The following ARMC7 variants were observed in gnomAD, a reference collection of about 807,000 sequenced individuals.
ARMC7 encodes the protein armadillo repeat-containing protein 7.
ARMC7 carries 9 observed loss-of-function variants against 14.8 expected under a neutral mutation model. The observed-to-expected ratio is 0.61, with a 90% confidence interval of 0.37 to 1.06. The LOEUF (loss-of-function observed/expected upper bound fraction) is 1.06. ARMC7 is among the 50% of genes least tolerant of loss of function. The pLI is 0.01. For synonymous variants in ARMC7, 125 were observed against 123.4 expected (o/e 1.01, Z -0.09); for missense variants, 262 against 267.1 (o/e 0.98, Z 0.13).
chr17:75,126,170 A>T (rs1275244514), intron 2 of ARMC7, among the ~76,000 whole-genome samples: 3 of 152,156 alleles, frequency 2.0e-5, no homozygotes, highest in Non-Finnish European at 4.4e-5. Context: ...AACCAAAGGG[A>T]GGGGTACCGT....
chr17:75,116,239 A>C (rs987071086), intron 2 of ARMC7, among the ~76,000 whole-genome samples: 1 of 152,184 alleles, frequency 6.6e-6, no homozygotes, highest in Non-Finnish European at 1.5e-5. Context: ...TGTGCATTGG[A>C]CATAGTACTA....
intron 2 of ARMC7, among the ~76,000 whole-genome samples, chr17:75,128,272 C>A (rs903142517): frequency 2.0e-5 from 3 of 152,084 alleles, no homozygotes; most frequent in African/African-American, 7.2e-5. Flanking sequence ...ACAGTTTCAC[C>A]ATGTTGGCCA....
Position 75,116,829 on chromosome 17 carries a change from C to T in ARMC7, c.235+6223C>T, listed in dbSNP as rs551526158. On this transcript the variant is annotated intron_variant, in intron 2 of 2. Transcript: ENST00000245543. ...AGACAGCTGCCCCTCGTCTGGCTGT[C>T]GCAGGCCAGGATGAGAATGCAGGCT... 5.3e-4 allele frequency among the ~76,000 whole-genome samples: 81 copies of T among 152,272 alleles called. 1 individual carries two copies. In the South Asian group the frequency reaches 9.1e-3, roughly 17 times the overall value.
At chr17:75,124,989 C>G (rs944690656) in intron 2 of ARMC7, among the ~76,000 whole-genome samples, 1 of 152,188 alleles carries the variant, frequency 6.6e-6, no homozygotes, top group African/African-American at 2.4e-5. Context: ...CCACCCTGTG[C>G]TTTAGCAAGT....
intron 2 of ARMC7, among the ~76,000 whole-genome samples, chr17:75,128,409 A>G (rs997006155): frequency 9.9e-5 from 15 of 151,146 alleles, no homozygotes; most frequent in South Asian, 2.1e-4. Context: ...AAGAAAGGGG[A>G]AAAAAAAAGC....
intron 2 of ARMC7, among the ~76,000 whole-genome samples, chr17:75,126,251 C>T (rs1427554546): frequency 6.6e-6 from 1 of 152,102 alleles, no homozygotes; most frequent in East Asian, 1.9e-4. Context: ...AGCAGAGTGA[C>T]CTCCAAAACA....
At chr17:75,126,596 T>A (rs1189407516) in intron 2 of ARMC7, among the ~76,000 whole-genome samples, 1 of 152,026 alleles carries the variant, frequency 6.6e-6, no homozygotes, top group Non-Finnish European at 1.5e-5. Context: ...TGTTTTTTTT[T>A]TTTGAGATGG....
intron 2 of ARMC7, among the ~76,000 whole-genome samples, chr17:75,113,988 C>A (rs1452248357): frequency 6.6e-6 from 1 of 152,236 alleles, no homozygotes; most frequent in Non-Finnish European, 1.5e-5. Context: ...CCTGGACTTA[C>A]TGCCCCACAG....
At chr17:75,119,479 C>T (rs2073997523) in intron 2 of ARMC7, among the ~76,000 whole-genome samples, 4 of 114,532 alleles carry the variant, frequency 3.5e-5, no homozygotes, top group Admixed American at 1.2e-4. Flanking sequence ...GACGGAGTTT[C>T]GCTCTGTCGC....
rs778696108 is a variant in ARMC7 at position 75,128,782 on chromosome 17, C to T, written c.341C>T (p.Thr114Met). ...INCLSSPNEE[T>M]VLSAITTLMH... ...TGCCTATCCAGCCCCAATGAGGAGA[C>T]GGTGCTGTCTGCCATCACCACGCTC... Residue 114 changes from threonine to methionine, a missense_variant, in exon 3 of 3, where the codon ACG (threonine) becomes ATG (methionine). Physicochemically the swap from Thr to Met is moderately conservative, Grantham distance 81. Coordinates refer to ENST00000245543, the MANE Select transcript of ARMC7 (RefSeq NM_024585.4). The T allele has an allele frequency of 8.1e-6, 13 of 1,613,364 alleles. No individual in the cohort carries two copies. The highest frequency in any genetic ancestry group is 2.7e-5 in the African/African-American group (2 of 74,944).
At chr17:75,111,859 G>T (rs1462440022) in intron 2 of ARMC7, among the ~76,000 whole-genome samples, 2 of 151,516 alleles carry the variant, frequency 1.3e-5, no homozygotes, top group Non-Finnish European at 2.9e-5. Context: ...TATTCACTGG[G>T]TAGATATTTA....
intron 2 of ARMC7, among the ~76,000 whole-genome samples, chr17:75,116,048 C>A (rs940534135): frequency 6.6e-6 from 1 of 152,188 alleles, no homozygotes; most frequent in Non-Finnish European, 1.5e-5. Context: ...TCCAGGAATT[C>A]TTACCTTCTG....
chr17:75,117,068 G>C (rs563872470), intron 2 of ARMC7, among the ~76,000 whole-genome samples: 3 of 152,250 alleles, frequency 2.0e-5, no homozygotes, highest in African/African-American at 2.4e-5. Flanking sequence ...GTGAGGCTTT[G>C]TTTTTGTTTT....
chr17:75,114,868 G>GC (rs2073962274), intron 2 of ARMC7: 3 of 394,992 alleles, frequency 7.6e-6, no homozygotes, highest in Non-Finnish European at 1.3e-5. Flanking sequence ...GAGAAGGAGA[G>GC]CCCCCGCGTA....
At chr17:75,113,359 T>G (rs1261544667) in intron 2 of ARMC7, among the ~76,000 whole-genome samples, 1 of 147,056 alleles carries the variant, frequency 6.8e-6, no homozygotes, top group Admixed American at 6.9e-5. Context: ...TTTTATTTAT[T>G]TATTTTTTTT....
At chr17:75,125,481 G>A (rs1179375567) in intron 2 of ARMC7, among the ~76,000 whole-genome samples, 4 of 152,126 alleles carry the variant, frequency 2.6e-5, no homozygotes, top group African/African-American at 2.4e-5. Flanking sequence ...CAGACAGGAC[G>A]GCTCAGGGGT....
Position 75,129,024 on chromosome 17 carries a change from C to G in ARMC7, c.583C>G (p.Pro195Ala), listed in dbSNP as rs762651957. 1 of 1,597,324 alleles carries G rather than the reference C, an allele frequency of 6.3e-7. No homozygotes were observed. Among genetic ancestry groups the G allele is most frequent in the East Asian group, 2.2e-5 (1 of 44,840 alleles). Residue 195 changes from proline (P) to alanine (A), a missense_variant, in exon 3 of 3, where the codon CCA (proline) becomes GCA (alanine). Transcript: ENST00000245543. ...LGIPLPRSVA[P>A]RQR ...TATCCCACTGCCGAGGAGCGTGGCC[C>G]CACGGCAGCGCTGATCCATGGAGAC... is the stretch of plus-strand genomic sequence containing the variant.
intron 2 of ARMC7, among the ~76,000 whole-genome samples, chr17:75,113,037 A>AT (rs1178871145): frequency 3.4e-5 from 5 of 145,282 alleles, no homozygotes; most frequent in African/African-American, 1.4e-4. Flanking sequence ...ATTTTATTTT[A>AT]TTTTTTGAGA....
rs1391356032 is a variant in ARMC7, at chr17:75,129,956, T to A, written c.*918T>A. The A allele has an allele frequency of 1.3e-5, 2 of 154,254 alleles. No homozygotes were observed. The highest frequency in any genetic ancestry group is 2.9e-5 in the Non-Finnish European group (2 of 69,516). The allele number at this position is 154,254 out of a possible 1,614,324, so 9.6% of individuals were successfully genotyped here. ...GCAACGTAAAGGATGTGGCTCCATG[T>A]CCATGGTGCCCCCTGGTCAACATAA... On this transcript the variant is annotated 3_prime_UTR_variant, in exon 3 of 3. Coordinates refer to ENST00000245543, the MANE Select transcript of ARMC7 (RefSeq NM_024585.4).
Sources: allele counts gnomAD v4.1 joint callset (sites outside exome capture counted in the v4.1 genomes callset), GRCh38; gene constraint gnomAD v4.1.1; transcripts MANE v1.5; gene names NCBI Gene and HGNC (gene_info 2026-07-23, HGNC 2026-07-21).